Variants in ARHGAP15 observed in about 807,000 individuals in gnomAD.
The protein encoded by ARHGAP15 is rho GTPase-activating protein 15.
In ARHGAP15, 51 loss-of-function variants were observed where a neutral mutation model predicts 63.7. The observed-to-expected ratio is 0.80, with a 90% CI of 0.64 to 1.01. ARHGAP15 has a LOEUF of 1.01. Ranked by LOEUF, ARHGAP15 falls within the 50% of genes least tolerant of loss-of-function variation. The probability of loss-of-function intolerance (pLI) is 0.00; values close to 1 mark genes in which losing one functional copy is unlikely to be tolerated. For synonymous variants in ARHGAP15, 191 were observed against 193.8 expected (o/e 0.99, Z 0.12); for missense variants, 560 against 564.6 (o/e 0.99, Z 0.08).
rs868072139 is a variant in ARHGAP15 at position 143,145,928 on chromosome 2, T to A, written c.-14-9549T>A. On this transcript the variant is annotated intron_variant, in intron 1 of 13. Coordinates refer to ENST00000295095, the MANE Select transcript of ARHGAP15 (RefSeq NM_018460.4). ...TAACTTTATTTCCATATGGAATATA[T>A]ATATATCTCACACCAAACACAAACA... Among the ~76,000 whole-genome samples the A allele has an allele frequency of 4.6e-4, 69 of 151,348 alleles. No individual in the cohort carries two copies. In the Middle Eastern group the frequency reaches 0.028, roughly 61 times the overall value.
Position 143,329,567 on chromosome 2 carries a change from A to G in ARHGAP15, c.474+78967A>G, listed in dbSNP as rs77382122. On this transcript the variant is annotated intron_variant, in intron 6 of 13. Coordinates refer to ENST00000295095, the MANE Select transcript of ARHGAP15 (RefSeq NM_018460.4). ...GGTTACAACCTGTGAGATCTCAAAGAGAGGACCCAGCTCATCTGTGCACAG... is the reference window on the plus strand; with the variant it reads ...GGTTACAACCTGTGAGATCTCAAAGGGAGGACCCAGCTCATCTGTGCACAG... Among the ~76,000 whole-genome samples the G allele has an allele frequency of 7.1e-3, 1,079 of 152,254 alleles. 12 individuals carry two copies. Among genetic ancestry groups the G allele is most frequent in the African/African-American group, 0.023 (935 of 41,550 alleles).
chr2:143,472,422 G>A (rs1023886061), intron 8 of ARHGAP15, among the ~76,000 whole-genome samples: 15 of 152,074 alleles, frequency 9.9e-5, no homozygotes, highest in African/African-American at 2.9e-4. Flanking sequence ...TATGCAATGC[G>A]TCAAAAGTGT....
intron 13 of ARHGAP15, among the ~76,000 whole-genome samples, chr2:143,708,771 T>G (rs7598040): frequency 0.89 from 135,373 of 152,078 alleles, 62,181 homozygotes; most frequent in East Asian, 1. Flanking sequence ...GTCTCCCTAA[T>G]AGACTTCTAG....
intron 2 of ARHGAP15, among the ~76,000 whole-genome samples, chr2:143,187,302 C>G (rs1030167034): frequency 7.2e-5 from 11 of 152,200 alleles, no homozygotes; most frequent in Non-Finnish European, 1.3e-4. Flanking sequence ...TCCCCACATT[C>G]CTTTGCCTTC....
At chr2:143,179,613 C>A (rs532085053) in intron 2 of ARHGAP15, among the ~76,000 whole-genome samples, 1 of 152,082 alleles carries the variant, frequency 6.6e-6, no homozygotes, top group African/African-American at 2.4e-5. Context: ...ATGAGCCAAG[C>A]GTGATGGCTC....
chr2:143,498,162 CA>C (rs921779557), intron 9 of ARHGAP15, among the ~76,000 whole-genome samples: 19 of 151,922 alleles, frequency 1.3e-4, no homozygotes, highest in African/African-American at 4.6e-4. Context: ...TTCTAAGATT[CA>C]AAAAAAACTT....
rs115539197 is a variant in ARHGAP15, at chr2:143,700,757, C to T, written c.1139-2662C>T. On this transcript the variant is annotated intron_variant, in intron 12 of 13. Transcript: ENST00000295095. ...ATGGTTGTGTGGTATTAGCTTCAAA[C>T]GGTTGGATAGAAAGCATTCAAGCAT... is the stretch of plus-strand genomic sequence containing the variant. Among the ~76,000 whole-genome samples, 169 of 152,188 alleles carry T rather than the reference C, an allele frequency of 1.1e-3. 1 individual carries two copies. The highest frequency in any genetic ancestry group is 2.0e-3 in the Non-Finnish European group (135 of 68,010).
chr2:143,191,668 A>C (rs10183448), intron 2 of ARHGAP15, among the ~76,000 whole-genome samples: 41,910 of 152,114 alleles, frequency 0.28, 6,648 homozygotes, highest in East Asian at 0.46. Flanking sequence ...GGGAACTTTG[A>C]TAGCTAAATC....
At chr2:143,514,317 G>A (rs6708917) in intron 9 of ARHGAP15, among the ~76,000 whole-genome samples, 72,462 of 151,972 alleles carry the variant, frequency 0.48, 17,643 homozygotes, top group East Asian at 0.77. Context: ...GGAATTGGAT[G>A]GAATTGGGTT....
intron 5 of ARHGAP15, chr2:143,247,359 G>C (rs1225614615): frequency 3.3e-5 from 5 of 152,452 alleles, no homozygotes; most frequent in African/African-American, 1.2e-4. Flanking sequence ...TCTTGTACGT[G>C]AGGTGTTTCT....
intron 12 of ARHGAP15, among the ~76,000 whole-genome samples, chr2:143,636,398 A>T (rs557615836): frequency 6.6e-6 from 1 of 152,274 alleles, no homozygotes; most frequent in East Asian, 1.9e-4. Flanking sequence ...CATGTTATGA[A>T]AATGTTTTAG....
Position 143,591,761 on chromosome 2 carries a change from A to G in ARHGAP15, c.1004-32372A>G, listed in dbSNP as rs1268604131. ...CAGCCTCCTGAGTAGCTGGGATTAC[A>G]GGTGCCTGCCGCCATGCCTGGCTAA... is the stretch of plus-strand genomic sequence containing the variant. On this transcript the variant is annotated intron_variant, in intron 11 of 13. Coordinates refer to ENST00000295095, the MANE Select transcript of ARHGAP15 (RefSeq NM_018460.4). Among the ~76,000 whole-genome samples, 6 of 151,764 alleles carry G rather than the reference A, an allele frequency of 4.0e-5. No individual in the cohort carries two copies. In the East Asian group the frequency reaches 1.2e-3, roughly 29 times the overall value.
chr2:143,692,341 C>G (rs1683645595), intron 12 of ARHGAP15, among the ~76,000 whole-genome samples: 1 of 152,160 alleles, frequency 6.6e-6, no homozygotes. Flanking sequence ...CAGTGGGAAG[C>G]TTAAAGCGTC....
chr2:143,164,504 T>C (rs546803796), intron 2 of ARHGAP15, among the ~76,000 whole-genome samples: 85 of 152,036 alleles, frequency 5.6e-4, no homozygotes, highest in African/African-American at 2.0e-3. Flanking sequence ...ATAGGTTTAT[T>C]GGGGGAAGAG....
chr2:143,320,710 G>A (rs74345448), intron 6 of ARHGAP15, among the ~76,000 whole-genome samples: 3,963 of 152,114 alleles, frequency 0.026, 161 homozygotes, highest in African/African-American at 0.091. Context: ...GCAAAAATAG[G>A]GTAACTGCAT....
chr2:143,482,032 C>A (rs1205322884), intron 8 of ARHGAP15, among the ~76,000 whole-genome samples: 1 of 152,140 alleles, frequency 6.6e-6, no homozygotes, highest in Non-Finnish European at 1.5e-5. Flanking sequence ...CAGAAAAGAT[C>A]TCCAATGGGA....
At chr2:143,344,762 G>GTC (rs1225482786) in intron 6 of ARHGAP15, among the ~76,000 whole-genome samples, 15 of 152,068 alleles carry the variant, frequency 9.9e-5, no homozygotes, top group African/African-American at 3.6e-4. Flanking sequence ...AGAGAGGAGT[G>GTC]AAGACCAGCA....
intron 1 of ARHGAP15, among the ~76,000 whole-genome samples, chr2:143,147,233 A>G (rs1689628433): frequency 1.3e-5 from 2 of 151,980 alleles, no homozygotes. Flanking sequence ...TTGTTTCCCC[A>G]GTGTTTTCTA....
chr2:143,345,711 TAAG>T lies in ARHGAP15; in HGVS notation c.475-89887_475-89885del, dbSNP rs200522703. ...TAATTGTTATTCAGTGCATACATTT[TAAG>T]AAAGAGCTAGAATGCTAGGCATATG... is the stretch of plus-strand genomic sequence containing the variant. On this transcript the variant is annotated intron_variant, in intron 6 of 13. Transcript: ENST00000295095. 2.1e-4 allele frequency among the ~76,000 whole-genome samples: 32 copies of T among 152,252 alleles called. No homozygotes were observed. The East Asian group carries it at 6.2e-3, about 29-fold the overall frequency.
Sources: gnomAD v4.1 joint callset for allele counts (sites outside exome capture counted in the v4.1 genomes callset) on GRCh38, gnomAD v4.1.1 for gene constraint, MANE v1.5 for transcripts, NCBI Gene and HGNC (gene_info 2026-07-23, HGNC 2026-07-21) for gene names.